The following SLC66A3 variants were observed in gnomAD, a reference collection of about 807,000 sequenced individuals.
SLC66A3 encodes the protein PQ loop repeat containing 3.
Under a neutral mutation model 25.5 loss-of-function variants are expected in SLC66A3, and 23 were observed. That is an observed-to-expected ratio of 0.90 (90% confidence interval 0.65 to 1.28). The LOEUF is 1.28. Among genes scored for constraint, SLC66A3 ranks in the 50% most tolerant of loss-of-function variants. The probability of loss-of-function intolerance (pLI) is 0.00; values close to 1 mark genes in which losing one functional copy is unlikely to be tolerated. For missense variants in SLC66A3, 246 were observed against 262.1 expected, an observed-to-expected ratio of 0.94 and a Z score of 0.42; for synonymous variants, 108 against 112.6, an observed-to-expected ratio of 0.96 and a Z score of 0.26.
At chr2:11,164,161 G>A (rs371457237) in intron 3 of SLC66A3, 43 bp from the exon 4 acceptor site, 19 of 1,253,264 alleles carry the variant, frequency 1.5e-5, no homozygotes, top group East Asian at 7.8e-5. Flanking sequence ...AGGGTGGCGC[G>A]GATGTGGGTG....
At chr2:11,155,798 C>G in intron 1 of SLC66A3, 109 bp downstream of exon 1, 2 of 1,110,776 alleles carry the variant, frequency 1.8e-6, no homozygotes, top group African/African-American at 1.6e-5. Flanking sequence ...CCCCGCGCGC[C>G]GGCGTCGCAG....
At chr2:11,170,073 G>A (rs1309990567) in intron 4 of SLC66A3, among the ~76,000 whole-genome samples, 7 of 152,082 alleles carry the variant, frequency 4.6e-5, no homozygotes, top group African/African-American at 1.7e-4. Context: ...TCTTGACCTC[G>A]TGATCTGCCC....
chr2:11,164,036 C>A (rs536218888), intron 3 of SLC66A3, among the ~76,000 whole-genome samples, 168 bp from the exon 4 acceptor site: 2 of 152,156 alleles, frequency 1.3e-5, no homozygotes, highest in South Asian at 2.1e-4. Flanking sequence ...TGTTCACTTG[C>A]GACCCTTTTC....
In SLC66A3 at chr2:11,177,756, C is replaced by T; in HGVS notation, c.537C>T (p.Ile179=). ...NDFTILLRFV[I]MLALNIWVTV... ...TTTCAGTTCTTCTACGTTTTGTGAT[C>T]ATGCTGGCTTTAAATATATGGGTAA... is the stretch of plus-strand genomic sequence containing the variant. Residue 179 remains isoleucine (I), a synonymous_variant, in exon 7 of 7, where the codon ATC becomes ATT. Coordinates refer to ENST00000295083, the MANE Select transcript of SLC66A3 (RefSeq NM_152391.5). The T allele has an allele frequency of 6.2e-7, 1 of 1,609,698 alleles. No individual in the cohort carries two copies. The highest frequency in any genetic ancestry group is 8.5e-7 in the Non-Finnish European group (1 of 1,177,692).
At chr2:11,173,261 T>A (rs1662617859) in intron 5 of SLC66A3, among the ~76,000 whole-genome samples, 1 of 152,170 alleles carries the variant, frequency 6.6e-6, no homozygotes, top group African/African-American at 2.4e-5. Context: ...AGTATTGGGA[T>A]TACAGGTGTG....
rs1572177575 is a variant in SLC66A3, at chr2:11,160,695, G to A, written c.296+1G>A. 2.5e-6 allele frequency: 4 copies of A among 1,613,572 alleles called. No individual in the cohort carries two copies. The highest frequency in any genetic ancestry group is 2.2e-5 in the East Asian group (1 of 44,850). On this transcript the variant is annotated splice_donor_variant, in intron 3 of 6. Transcript: ENST00000295083. LOFTEE classifies it high-confidence loss of function. ...AGCAGGCCACTCCTTACATCGCTGT[G>A]TATCCTTTCTGAATCTGAGCCAGAA...
intron 3 of SLC66A3, among the ~76,000 whole-genome samples, chr2:11,163,916 G>A (rs1254359416): frequency 6.6e-6 from 1 of 152,226 alleles, no homozygotes; most frequent in Non-Finnish European, 1.5e-5. Flanking sequence ...AATTCAGTGG[G>A]CAGTGAAACC....
intron 5 of SLC66A3, chr2:11,172,935 T>C (rs1662606992): frequency 6.0e-6 from 1 of 166,386 alleles, no homozygotes; most frequent in East Asian, 1.8e-4. Flanking sequence ...CAATCTCGGC[T>C]CACTGCAACC....
At chr2:11,157,987 T>G (rs1320015894) in intron 1 of SLC66A3, among the ~76,000 whole-genome samples, 5 of 152,182 alleles carry the variant, frequency 3.3e-5, no homozygotes, top group Non-Finnish European at 7.4e-5. Flanking sequence ...GGTGGACCCT[T>G]AGGCTGTAGA....
chr2:11,167,637 C>A (rs1406844427), intron 4 of SLC66A3, among the ~76,000 whole-genome samples: 1 of 152,102 alleles, frequency 6.6e-6, no homozygotes, highest in Non-Finnish European at 1.5e-5. Context: ...CTGTGTCTGC[C>A]CATAGCCCTC....
chr2:11,170,244 C>G (rs1385433537), intron 4 of SLC66A3, among the ~76,000 whole-genome samples: 1 of 152,212 alleles, frequency 6.6e-6, no homozygotes, highest in Admixed American at 6.5e-5. Context: ...TCTGTTTCTA[C>G]TGCCCTCGTA....
At chr2:11,169,677 G>A (rs929458991) in intron 4 of SLC66A3, among the ~76,000 whole-genome samples, 4 of 151,850 alleles carry the variant, frequency 2.6e-5, no homozygotes, top group African/African-American at 4.8e-5. Context: ...CTTGCCTGAC[G>A]ACTGAGCCTC....
In SLC66A3 at chr2:11,177,870, A is replaced by C; in HGVS notation, c.*42A>C. 1 of 1,175,108 alleles carries C rather than the reference A, an allele frequency of 8.5e-7. No homozygotes were observed. Among genetic ancestry groups the C allele is most frequent in the South Asian group, 1.3e-5 (1 of 74,454 alleles). The allele number at this position is 1,175,108 out of a possible 1,614,324, so 72.8% of individuals were successfully genotyped here. On this transcript the variant is annotated 3_prime_UTR_variant, in exon 7 of 7. Transcript: ENST00000295083. Reference sequence around the variant, plus strand: ...TCACACAGTGGATTTTGAGTAACTGAACCAAAGGAAAAAGAAGCTCTTTGC... The same window carrying C: ...TCACACAGTGGATTTTGAGTAACTGCACCAAAGGAAAAAGAAGCTCTTTGC...
At chr2:11,159,409 TG>T (rs1662032878) in intron 1 of SLC66A3, among the ~76,000 whole-genome samples, 1 of 152,080 alleles carries the variant, frequency 6.6e-6, no homozygotes, top group African/African-American at 2.4e-5. Context: ...TGCAGGCAGC[TG>T]GGGGTGGGGA....
rs1662861703 is a variant in SLC66A3 at position 11,178,780 on chromosome 2, ATTGTT to A, written c.*958_*962del. 1 of 152,176 alleles carries A rather than the reference ATTGTT, an allele frequency of 6.6e-6. No individual in the cohort carries two copies. Among genetic ancestry groups the A allele is most frequent in the African/African-American group, 2.4e-5 (1 of 41,456 alleles). 9.4% of individuals were successfully genotyped at this position (152,176 alleles called of 1,614,324 possible). On this transcript the variant is annotated 3_prime_UTR_variant, in exon 7 of 7. Transcript: ENST00000295083. ...TCACTTTCCCCCTTTAATTGAAGGC[ATTGTT>A]TTGTTAGATGCAGTAATGATGTTTA...
At chr2:11,156,673 A>G (rs1661915805) in intron 1 of SLC66A3, among the ~76,000 whole-genome samples, 2 of 152,068 alleles carry the variant, frequency 1.3e-5, no homozygotes, top group African/African-American at 4.8e-5. Context: ...GGCCCTGGGC[A>G]CAGTCATCCA....
At chr2:11,161,631 G>A (rs918317845) in intron 3 of SLC66A3, among the ~76,000 whole-genome samples, 3 of 152,184 alleles carry the variant, frequency 2.0e-5, no homozygotes, top group Middle Eastern at 3.4e-3. Context: ...GAATCTTCCC[G>A]CCTCAGCCTC....
chr2:11,177,459 A>AC (rs1162788597), intron 6 of SLC66A3, among the ~76,000 whole-genome samples: 4 of 151,350 alleles, frequency 2.6e-5, no homozygotes, highest in African/African-American at 4.8e-5. Flanking sequence ...ACTGTCTCAA[A>AC]AAAAAAAAAA....
intron 1 of SLC66A3, among the ~76,000 whole-genome samples, chr2:11,158,846 G>A (rs947428808): frequency 3.9e-5 from 6 of 152,186 alleles, no homozygotes; most frequent in Non-Finnish European, 8.8e-5. Flanking sequence ...AAAAACTAAA[G>A]GAAAGACACT....
Sources: allele counts gnomAD v4.1 joint callset (sites outside exome capture counted in the v4.1 genomes callset), GRCh38; gene constraint gnomAD v4.1.1; transcripts MANE v1.5; gene names NCBI Gene and HGNC (gene_info 2026-07-23, HGNC 2026-07-21).